Variants in UVRAG observed in about 807,000 individuals in gnomAD.
UVRAG encodes UV radiation resistance associated.
A neutral mutation model predicts 78.0 loss-of-function variants in UVRAG; 19 were observed. The ratio of observed to expected loss-of-function variants is 0.24; its 90% CI spans 0.17 to 0.36. The LOEUF (loss-of-function observed/expected upper bound fraction) is 0.36, where lower values mean the gene tolerates loss of function less well. Ranked by LOEUF, UVRAG falls within the 10% of genes least tolerant of loss-of-function variation. The probability of loss-of-function intolerance (pLI) is 1.00; values close to 1 mark genes in which losing one functional copy is unlikely to be tolerated. For missense variants in UVRAG, 740 were observed against 853.8 expected, an observed-to-expected ratio of 0.87 and a Z score of 1.66; for synonymous variants, 323 against 324.6, an observed-to-expected ratio of 1.00 and a Z score of 0.05.
chr11:75,815,393 G>C lies in UVRAG; in HGVS notation c.-15G>C, dbSNP rs1004424924. On this transcript the variant is annotated 5_prime_UTR_variant, in exon 1 of 15. Transcript: ENST00000356136. ...AAGAGTGCCCGCCCCGCCGCTTGGC[G>C]GCCCCTGGATCGAGATGAGCGCCTC... 3 of 1,222,132 alleles carry C rather than the reference G, an allele frequency of 2.5e-6. No homozygotes were observed. The allele number at this position is 1,222,132 out of a possible 1,614,324, so 75.7% of individuals were successfully genotyped here.
chr11:75,837,859 T>C (rs1162795312), intron 1 of UVRAG, among the ~76,000 whole-genome samples: 2 of 152,210 alleles, frequency 1.3e-5, no homozygotes, highest in African/African-American at 4.8e-5. Flanking sequence ...TTAAAAAGTT[T>C]TAAAAAATTA....
chr11:75,839,558 A>G (rs1945861451), intron 1 of UVRAG, among the ~76,000 whole-genome samples: 1 of 151,418 alleles, frequency 6.6e-6, no homozygotes, highest in Admixed American at 6.6e-5. Flanking sequence ...GTTATCTTTG[A>G]CTTGTTTGTC....
In UVRAG at chr11:75,867,150, C is replaced by A. The variant is rs982363248; in HGVS notation, c.270+5370C>A. On this transcript the variant is annotated intron_variant, in intron 3 of 14. Coordinates refer to ENST00000356136, the MANE Select transcript of UVRAG (RefSeq NM_003369.4). ...GCTCTGTTTCTGTGCTTTCTGCCTA[C>A]ACAAAATCTTAATACTTTTTATTGA... 5.3e-5 allele frequency among the ~76,000 whole-genome samples: 8 copies of A among 152,306 alleles called. No individual in the cohort carries two copies. In the South Asian group the frequency reaches 1.0e-3, roughly 20 times the overall value.
intron 1 of UVRAG, among the ~76,000 whole-genome samples, chr11:75,851,625 CGTT>C (rs1199784396): frequency 1.3e-5 from 2 of 152,156 alleles, no homozygotes; most frequent in Non-Finnish European, 2.9e-5. Context: ...ACTTACATAA[CGTT>C]GGTCCTTTTC....
At chr11:76,126,337 A>C (rs974312979) in intron 14 of UVRAG, among the ~76,000 whole-genome samples, 1 of 152,204 alleles carries the variant, frequency 6.6e-6, no homozygotes, top group Non-Finnish European at 1.5e-5. Flanking sequence ...TATATATCCA[A>C]AATATCTTGT....
At chr11:75,889,595 G>C (rs1283152922) in intron 5 of UVRAG, among the ~76,000 whole-genome samples, 1 of 152,206 alleles carries the variant, frequency 6.6e-6, no homozygotes, top group Non-Finnish European at 1.5e-5. Context: ...CAACAACCCT[G>C]TGCATTATTT....
At chr11:75,938,815 T>C (rs185617152) in intron 6 of UVRAG, among the ~76,000 whole-genome samples, 2 of 152,360 alleles carry the variant, frequency 1.3e-5, no homozygotes, top group African/African-American at 4.8e-5. Flanking sequence ...TGCAGATCTC[T>C]GGAGTTCTCT....
chr11:75,878,237 A>C (rs1170049582), intron 3 of UVRAG, among the ~76,000 whole-genome samples: 17 of 148,434 alleles, frequency 1.1e-4, no homozygotes, highest in African/African-American at 3.8e-4. Flanking sequence ...GGCGGGGCAA[A>C]GGTGCTCCCC....
intron 7 of UVRAG, among the ~76,000 whole-genome samples, chr11:75,975,525 G>A (rs1285801539): frequency 6.6e-6 from 1 of 152,080 alleles, no homozygotes; most frequent in East Asian, 1.9e-4. Context: ...ATTTGTTTGT[G>A]TCCTCTTTTA....
chr11:75,952,088 T>G (rs1450757840), intron 6 of UVRAG, among the ~76,000 whole-genome samples: 1 of 152,208 alleles, frequency 6.6e-6, no homozygotes, highest in Non-Finnish European at 1.5e-5. Context: ...AGTTATTTAT[T>G]GATATTAAAT....
At chr11:75,850,322 T>C (rs1946127576) in intron 1 of UVRAG, among the ~76,000 whole-genome samples, 2 of 152,166 alleles carry the variant, frequency 1.3e-5, no homozygotes, top group Admixed American at 1.3e-4. Context: ...GGAATCTTCT[T>C]TCCTAAACTT....
intron 7 of UVRAG, among the ~76,000 whole-genome samples, chr11:75,970,650 G>A (rs571903753): frequency 7.8e-4 from 118 of 151,020 alleles, no homozygotes; most frequent in Non-Finnish European, 1.3e-3. Context: ...GGAGAATGGT[G>A]TGAACCCGGG....
chr11:75,816,385 C>T (rs184078634), intron 1 of UVRAG, among the ~76,000 whole-genome samples: 55 of 152,312 alleles, frequency 3.6e-4, no homozygotes, highest in African/African-American at 1.2e-3. Flanking sequence ...GGAGATTTTG[C>T]AGGAATCTTA....
chr11:76,016,766 T>C (rs759555051), intron 11 of UVRAG, 49 bp from the exon 12 acceptor site: 4 of 1,448,976 alleles, frequency 2.8e-6, no homozygotes, highest in East Asian at 2.4e-5. Context: ...CTTATGGTTA[T>C]TTATAAGGTA....
intron 1 of UVRAG, among the ~76,000 whole-genome samples, chr11:75,849,633 C>T (rs776075371): frequency 6.6e-6 from 1 of 152,046 alleles, no homozygotes; most frequent in African/African-American, 2.4e-5. Flanking sequence ...GCTGACAGTA[C>T]AGTGATGGTT....
intron 6 of UVRAG, among the ~76,000 whole-genome samples, chr11:75,949,762 T>TACATATATAC (rs1398411981): frequency 1.3e-5 from 2 of 149,182 alleles, no homozygotes; most frequent in Non-Finnish European, 3.0e-5. Flanking sequence ...CACATATGTA[T>TACATATATAC]ACATATATAC....
At chr11:76,083,893 G>C (rs575998062) in intron 13 of UVRAG, among the ~76,000 whole-genome samples, 1 of 152,280 alleles carries the variant, frequency 6.6e-6, no homozygotes, top group African/African-American at 2.4e-5. Context: ...CTTAAAACAC[G>C]TAAATGTTAC....
intron 6 of UVRAG, among the ~76,000 whole-genome samples, chr11:75,933,834 C>T (rs188457231): frequency 6.6e-5 from 10 of 152,166 alleles, no homozygotes; most frequent in African/African-American, 2.4e-4. Context: ...GGCTTTTATC[C>T]AAAAGATAGG....
At chr11:76,028,964 G>A (rs564062126) in intron 12 of UVRAG, among the ~76,000 whole-genome samples, 3 of 152,250 alleles carry the variant, frequency 2.0e-5, no homozygotes, top group African/African-American at 4.8e-5. Context: ...TTCGATAGCT[G>A]GAAAGGAGAA....
Sources: allele counts gnomAD v4.1 joint callset (sites outside exome capture counted in the v4.1 genomes callset), GRCh38; gene constraint gnomAD v4.1.1; transcripts MANE v1.5; gene names NCBI Gene and HGNC (gene_info 2026-07-23, HGNC 2026-07-21).